The following PFKP variants were observed in gnomAD, a reference collection of about 807,000 sequenced individuals.
PFKP encodes phosphofructokinase, platelet, also known as ATP-dependent 6-phosphofructokinase, platelet type.
In PFKP, 101 loss-of-function variants were observed where a neutral mutation model predicts 94.3. The observed-to-expected ratio is 1.07, with a 90% CI of 0.91 to 1.26. The LOEUF is 1.26. Ranked by LOEUF, PFKP falls within the 50% of genes most tolerant of loss-of-function variation. PFKP has a pLI of 0.00. For missense variants in PFKP, 1,145 were observed against 1,103.3 expected (o/e 1.04, Z -0.53); for synonymous variants, 573 against 432.6 (o/e 1.32, Z -4.03).
intron 19 of PFKP, 32 bp from the exon 20 acceptor site, chr10:3,134,451 C>T (rs1564361645): frequency 8.3e-7 from 1 of 1,210,494 alleles, no homozygotes. Flanking sequence ...TACTGTATAA[C>T]TGGTATTTCA....
At chr10:3,082,367 T>C (rs1208080468) in intron 1 of PFKP, 21 bp from the exon 2 acceptor site, 1 of 1,594,448 alleles carries the variant, frequency 6.3e-7, no homozygotes, top group Non-Finnish European at 8.6e-7. Flanking sequence ...TCAGTGACTC[T>C]TGCTCCTGTT....
chr10:3,130,806 C>T (rs892551388), intron 17 of PFKP, among the ~76,000 whole-genome samples: 1 of 152,206 alleles, frequency 6.6e-6, no homozygotes, highest in Middle Eastern at 3.2e-3. Context: ...ATCTGCCCAC[C>T]TCGGCCTCCC....
chr10:3,116,807 G>A lies in PFKP; in HGVS notation c.1403G>A (p.Gly468Asp). 6.2e-7 allele frequency: 1 copy of A among 1,613,840 alleles called. No individual in the cohort carries two copies. The highest frequency in any genetic ancestry group is 8.5e-7 in the Non-Finnish European group (1 of 1,179,668). The change falls in exon 14 of 22, where the codon GGC (glycine) becomes GAC (aspartate). Residue 468 changes from glycine to aspartate, a missense_variant. Transcript: ENST00000381125. ...IKEIGWTDVG[G>D]WTGQGGSILG... The stretch of plus-strand genomic sequence containing the variant: ...GAAATCGGCTGGACAGATGTCGGGG[G>A]CTGGACCGGCCAAGGAGGCTCCATT...
At chr10:3,098,840 G>A (rs1834724416) in intron 2 of PFKP, among the ~76,000 whole-genome samples, 1 of 152,220 alleles carries the variant, frequency 6.6e-6, no homozygotes, top group Non-Finnish European at 1.5e-5. Context: ...ATCCCAAGTG[G>A]CGCAGGGTGC....
At chr10:3,110,978 A>G (rs925193357) in intron 10 of PFKP, among the ~76,000 whole-genome samples, 5 of 150,518 alleles carry the variant, frequency 3.3e-5, no homozygotes, top group African/African-American at 1.2e-4. Context: ...GCATGTGTGT[A>G]TATGCATGTG....
chr10:3,134,863 T>G (rs914034019), intron 20 of PFKP, among the ~76,000 whole-genome samples: 2 of 152,248 alleles, frequency 1.3e-5, no homozygotes, highest in Non-Finnish European at 2.9e-5. Flanking sequence ...TCCTGAACGT[T>G]GGCCAGCAAT....
rs1378001293 is a variant in PFKP, at chr10:3,067,690, G to A, written c.95G>A (p.Ser32Asn). Residue 32 changes from serine to asparagine, a missense_variant, in exon 1 of 22, where the codon AGC becomes AAC. Physicochemically the swap from Ser to Asn is conservative, Grantham distance 46 (BLOSUM62 1). Transcript: ENST00000381125. ...GAGKAIGVLT[S>N]GGDAQGMNAA... is the part of the protein sequence containing the mutation. ...GGCAAGGCCATCGGCGTGCTGACCA[G>A]CGGCGGGGATGCTCAAGGTGCGCGC... 53 of 1,511,240 alleles carry A rather than the reference G, an allele frequency of 3.5e-5. No individual in the cohort carries two copies. Among genetic ancestry groups the A allele is most frequent in the Non-Finnish European group, 4.5e-5 (51 of 1,128,868 alleles). 93.6% of individuals were successfully genotyped at this position (1,511,240 alleles called of 1,614,324 possible).
At chr10:3,135,074 C>CT (rs1839077287) in intron 20 of PFKP, among the ~76,000 whole-genome samples, 2 of 152,172 alleles carry the variant, frequency 1.3e-5, no homozygotes, top group Admixed American at 1.3e-4. Flanking sequence ...TCTAAGAAAT[C>CT]TTTAAACTGA....
At chr10:3,101,607 T>C (rs1360493708) in intron 4 of PFKP, 53 bp downstream of exon 4, 3 of 1,304,708 alleles carry the variant, frequency 2.3e-6, no homozygotes, top group Admixed American at 3.1e-5. Flanking sequence ...GTTTCAGAGC[T>C]TTGGAACCGA....
intron 16 of PFKP, among the ~76,000 whole-genome samples, chr10:3,125,872 C>T (rs1837893583): frequency 1.3e-5 from 2 of 152,354 alleles, no homozygotes; most frequent in Non-Finnish European, 2.9e-5. Context: ...GGTAGTTCCA[C>T]AGGCCTTTGC....
intron 1 of PFKP, among the ~76,000 whole-genome samples, chr10:3,073,298 C>A (rs561539530): frequency 6.6e-6 from 1 of 151,962 alleles, no homozygotes; most frequent in Non-Finnish European, 1.5e-5. Flanking sequence ...GTCTTCCCTC[C>A]CCTCTTCCCT....
chr10:3,068,673 G>T lies in PFKP; in HGVS notation c.112+966G>T, dbSNP rs1006625405. The T allele has an allele frequency of 3.0e-6, 3 of 984,974 alleles. No homozygotes were observed. The African/African-American group carries it at 5.2e-5, about 17-fold the overall frequency. The allele number at this position is 984,974 out of a possible 1,614,324, so 61.0% of individuals were successfully genotyped here. ...GGTGGCGGAGACTCGGCGCGCCCCA[G>T]GCCCCGGGTGCACGTGGGGGCGCCG... is the stretch of plus-strand genomic sequence containing the variant. On this transcript the variant is annotated intron_variant, in intron 1 of 21. Coordinates refer to ENST00000381125, the MANE Select transcript of PFKP (RefSeq NM_002627.5).
intron 3 of PFKP, chr10:3,101,005 G>A (rs1834946813): frequency 6.2e-7 from 1 of 1,610,800 alleles, no homozygotes; most frequent in South Asian, 1.1e-5. Context: ...CTGGTGGTCA[G>A]TGGGCTTGTC....
intron 4 of PFKP, 126 bp downstream of exon 4, chr10:3,101,680 C>G (rs1835010606): frequency 1.5e-6 from 1 of 645,336 alleles, no homozygotes; most frequent in Non-Finnish European, 2.5e-6. Flanking sequence ...GTCACCATCT[C>G]AGGACTTTTT....
rs374132340 is a variant in PFKP, at chr10:3,116,770, C to T, written c.1372-6C>T. 2.5e-6 allele frequency: 4 copies of T among 1,610,996 alleles called. No individual in the cohort carries two copies. In the African/African-American group the frequency reaches 5.3e-5, roughly 22 times the overall value. On this transcript the variant is annotated splice_region_variant and splice_polypyrimidine_tract_variant and intron_variant, in intron 13 of 21. Coordinates refer to ENST00000381125, the MANE Select transcript of PFKP (RefSeq NM_002627.5). ...TTAGCTGTTTCGTTCTGTGTTTGCA[C>T]ATTAGATCAAAGAAATCGGCTGGAC... is the stretch of plus-strand genomic sequence containing the variant.
At chr10:3,081,659 A>G (rs1833086935) in intron 1 of PFKP, among the ~76,000 whole-genome samples, 1 of 152,222 alleles carries the variant, frequency 6.6e-6, no homozygotes, top group Non-Finnish European at 1.5e-5. Context: ...TAGTGGCTTC[A>G]GCTCCCCCAA....
intron 15 of PFKP, 34 bp from the exon 16 acceptor site, chr10:3,119,858 C>T (rs368731503): frequency 2.5e-5 from 41 of 1,611,370 alleles, no homozygotes; most frequent in Non-Finnish European, 3.3e-5. Context: ...CCCAGCTTCC[C>T]TCTCGCCCCA....
chr10:3,077,949 G>A (rs965087927), intron 1 of PFKP, among the ~76,000 whole-genome samples: 43 of 152,308 alleles, frequency 2.8e-4, no homozygotes, highest in Admixed American at 2.2e-3. Context: ...TGCAAATTAC[G>A]AAGCGGTGTT....
Position 3,067,550 on chromosome 10 carries a change from T to C in PFKP, c.-46T>C, listed in dbSNP as rs1264103511. The C allele has an allele frequency of 1.9e-6, 2 of 1,066,116 alleles. No individual in the cohort carries two copies. The highest frequency in any genetic ancestry group is 2.7e-6 in the Non-Finnish European group (2 of 734,508). The allele number at this position is 1,066,116 out of a possible 1,614,324, so 66.0% of individuals were successfully genotyped here. The stretch of plus-strand genomic sequence containing the variant: ...AGGCGCGCGCGGGCAGGGTCCCCAT[T>C]GCCTGCTGCGCACCCGGACGTGCGG... On this transcript the variant is annotated 5_prime_UTR_variant, in exon 1 of 22. Transcript: ENST00000381125.
Sources: gnomAD v4.1 joint callset for allele counts (sites outside exome capture counted in the v4.1 genomes callset) on GRCh38, gnomAD v4.1.1 for gene constraint, MANE v1.5 for transcripts, NCBI Gene and HGNC (gene_info 2026-07-23, HGNC 2026-07-21) for gene names.